The following CLNK variants were observed in gnomAD, a reference collection of about 807,000 sequenced individuals.
The protein encoded by CLNK is cytokine-dependent hematopoietic cell linker.
A neutral mutation model predicts 68.6 loss-of-function variants in CLNK; 74 were observed. That is an observed-to-expected ratio of 1.08 (90% CI 0.89 to 1.31). CLNK has a LOEUF of 1.31. CLNK is among the 50% of genes most tolerant of loss of function. CLNK has a pLI of 0.00. For synonymous variants in CLNK, 198 were observed against 172.2 expected (o/e 1.15, Z -1.17); for missense variants, 553 against 515.3 (o/e 1.07, Z -0.71).
intron 5 of CLNK, among the ~76,000 whole-genome samples, chr4:10,571,122 T>G (rs1720325041): frequency 6.6e-6 from 1 of 152,136 alleles, no homozygotes; most frequent in South Asian, 2.1e-4. Flanking sequence ...GGAAGTGTGC[T>G]TCTCATAACG....
At chr4:10,629,613 G>A (rs980941858) in intron 2 of CLNK, among the ~76,000 whole-genome samples, 26 of 152,166 alleles carry the variant, frequency 1.7e-4, no homozygotes, top group African/African-American at 4.6e-4. Context: ...AGCAAACCTC[G>A]GGGAGATTGC....
chr4:10,487,766 G>A lies in CLNK; in HGVS notation c.*2701C>T, dbSNP rs562454273. The A allele has an allele frequency of 4.6e-5, 7 of 152,122 alleles. No homozygotes were observed. In the South Asian group the frequency reaches 1.5e-3, roughly 32 times the overall value. 9.4% of individuals were successfully genotyped at this position (152,122 alleles called of 1,614,324 possible). A position where few individuals can be genotyped will look rare whatever the true frequency, so the allele number is the denominator to read the frequency against. On this transcript the variant is annotated 3_prime_UTR_variant, in exon 19 of 19. Transcript: ENST00000226951. ...TTTGCTTTGGGCCTCACTATGAGCT[G>A]GCCAAAACTCTCCCAGAGCTGTGTC...
chr4:10,622,661 C>A (rs1722503016), intron 2 of CLNK, among the ~76,000 whole-genome samples: 1 of 152,152 alleles, frequency 6.6e-6, no homozygotes, highest in African/African-American at 2.4e-5. Flanking sequence ...AAATGCATAC[C>A]AAATTCATAC....
chr4:10,651,470 T>A (rs1463211633), intron 2 of CLNK, among the ~76,000 whole-genome samples: 3 of 152,172 alleles, frequency 2.0e-5, no homozygotes. Flanking sequence ...ACTCCGTATG[T>A]TCTCACTCAT....
intron 2 of CLNK, among the ~76,000 whole-genome samples, chr4:10,662,196 A>G (rs567835365): frequency 1.3e-5 from 2 of 152,320 alleles, no homozygotes; most frequent in South Asian, 2.1e-4. Flanking sequence ...CCTAGAGTAT[A>G]TAGTGTTAAG....
intron 4 of CLNK, among the ~76,000 whole-genome samples, chr4:10,578,579 C>CTTTTTT (rs5856062): frequency 1.4e-3 from 64 of 44,912 alleles, no homozygotes; most frequent in African/African-American, 3.5e-3. Context: ...CTTACCTTAT[C>CTTTTTT]TTTTTTTTTT....
At chr4:10,638,098 C>A (rs142174017) in intron 2 of CLNK, among the ~76,000 whole-genome samples, 1 of 152,264 alleles carries the variant, frequency 6.6e-6, no homozygotes, top group South Asian at 2.1e-4. Flanking sequence ...AATGTAGCCC[C>A]GAACTGTACC....
At chr4:10,656,183 A>C (rs903370280) in intron 2 of CLNK, among the ~76,000 whole-genome samples, 7 of 152,062 alleles carry the variant, frequency 4.6e-5, no homozygotes, top group African/African-American at 1.7e-4. Flanking sequence ...ATCATAAGGA[A>C]AAGTTCGCTA....
At chr4:10,500,001 T>C (rs13109939) in intron 18 of CLNK, among the ~76,000 whole-genome samples, 34,352 of 152,042 alleles carry the variant, frequency 0.23, 4,315 homozygotes, top group Admixed American at 0.28. Context: ...AACGTGTGGG[T>C]TTTTTGGAAT....
the CLNK span, among the ~76,000 whole-genome samples, chr4:10,704,954 C>G: frequency 6.6e-6 from 1 of 152,134 alleles, no homozygotes; most frequent in Non-Finnish European, 1.5e-5. Context: ...CCAATGTGGT[C>G]AATTTGGCAT....
At chr4:10,603,869 T>A (rs770455138) in intron 2 of CLNK, among the ~76,000 whole-genome samples, 14 of 152,348 alleles carry the variant, frequency 9.2e-5, no homozygotes, top group African/African-American at 1.2e-4. Flanking sequence ...AAGATCATCT[T>A]GGATTCTGAC....
chr4:10,685,164 C>G (rs1445266960), upstream of CLNK: 2 of 152,082 alleles, frequency 1.3e-5, no homozygotes, highest in Non-Finnish European at 1.5e-5. Flanking sequence ...ACACATGGAC[C>G]AGGTGTTAAG....
intron 11 of CLNK, among the ~76,000 whole-genome samples, chr4:10,534,927 C>A (rs1158620256): frequency 1.3e-5 from 2 of 152,108 alleles, no homozygotes; most frequent in African/African-American, 4.8e-5. Flanking sequence ...ACCATACTTT[C>A]TCTTTTAAAA....
intron 3 of CLNK, 108 bp downstream of exon 3, chr4:10,597,870 A>G: frequency 1.3e-6 from 1 of 765,500 alleles, no homozygotes; most frequent in South Asian, 1.7e-5. Flanking sequence ...CTAAGTCACT[A>G]CAGGTCATTC....
intron 15 of CLNK, among the ~76,000 whole-genome samples, chr4:10,513,859 A>AT (rs1011799610): frequency 4.3e-5 from 6 of 138,114 alleles, no homozygotes; most frequent in East Asian, 2.0e-4. Flanking sequence ...TTATTATTTT[A>AT]TTTTTTTTTA....
chr4:10,563,929 G>T (rs61795100), intron 7 of CLNK, among the ~76,000 whole-genome samples: 7,383 of 150,806 alleles, frequency 0.049, 226 homozygotes, highest in Middle Eastern at 0.1. Context: ...GAAAAGAAAA[G>T]AAAATACTGA....
At chr4:10,510,606 C>T (rs1304824754) in intron 16 of CLNK, among the ~76,000 whole-genome samples, 1 of 152,174 alleles carries the variant, frequency 6.6e-6, no homozygotes, top group Non-Finnish European at 1.5e-5. Flanking sequence ...CGCCTCATAG[C>T]TCTTCGGCAC....
At chr4:10,644,270 T>C (rs1723426119) in intron 2 of CLNK, among the ~76,000 whole-genome samples, 1 of 152,206 alleles carries the variant, frequency 6.6e-6, no homozygotes, top group Non-Finnish European at 1.5e-5. Context: ...GTCTTGGTTA[T>C]TGCTATAGTG....
At chr4:10,663,162 C>T (rs1724259238) in intron 2 of CLNK, among the ~76,000 whole-genome samples, 1 of 152,194 alleles carries the variant, frequency 6.6e-6, no homozygotes, top group Admixed American at 6.5e-5. Flanking sequence ...CCAAGATGCC[C>T]TTATCTAGCC....
Sources: gnomAD v4.1 joint callset for allele counts (sites outside exome capture counted in the v4.1 genomes callset) on GRCh38, gnomAD v4.1.1 for gene constraint, MANE v1.5 for transcripts, NCBI Gene and HGNC (gene_info 2026-07-23, HGNC 2026-07-21) for gene names.